PCLO: variants seen among roughly 807,000 people sequenced by gnomAD.
PCLO encodes the protein piccolo presynaptic cytomatrix protein.
A neutral mutation model predicts 427.5 loss-of-function variants in PCLO; 82 were observed. The observed-to-expected ratio is 0.19, with a 90% CI of 0.16 to 0.23. The LOEUF is 0.23. Ranked by LOEUF, PCLO falls within the 10% of genes least tolerant of loss-of-function variation. The pLI, the probability that PCLO is intolerant of heterozygous loss-of-function variation, is 1.00. For synonymous variants in PCLO, 2,357 were observed against 2,155.4 expected (o/e 1.09, Z -2.59); for missense variants, 6,239 against 6,115.9 (o/e 1.02, Z -0.67).
intron 10 of PCLO, among the ~76,000 whole-genome samples, chr7:82,858,470 A>C (rs1213612418): frequency 6.6e-6 from 1 of 152,138 alleles, no homozygotes; most frequent in Non-Finnish European, 1.5e-5. Context: ...GGGAAAGAAA[A>C]AGAAAGAAAA....
chr7:82,815,943 CA>C (rs1791669530), intron 20 of PCLO, among the ~76,000 whole-genome samples: 3 of 151,988 alleles, frequency 2.0e-5, no homozygotes, highest in Admixed American at 2.0e-4. Flanking sequence ...ACACATCTAC[CA>C]AACTCAACAC....
intron 9 of PCLO, among the ~76,000 whole-genome samples, chr7:82,897,629 T>C (rs1793937772): frequency 6.6e-6 from 1 of 151,430 alleles, no homozygotes. Context: ...AGAATCTGGG[T>C]CTTTGTTGTG....
intron 6 of PCLO, among the ~76,000 whole-genome samples, chr7:82,936,863 G>GA (rs1794964321): frequency 1.3e-5 from 2 of 151,720 alleles, no homozygotes; most frequent in South Asian, 4.1e-4. Flanking sequence ...GATGAACATA[G>GA]AAAATGTTAT....
At chr7:82,881,534 A>G (rs920838777) in intron 9 of PCLO, among the ~76,000 whole-genome samples, 1 of 152,194 alleles carries the variant, frequency 6.6e-6, no homozygotes, top group Non-Finnish European at 1.5e-5. Flanking sequence ...TCTTTGGTAA[A>G]TAGAATAATA....
chr7:82,801,204 A>ATATATATATATTT (rs1791341185), intron 22 of PCLO, among the ~76,000 whole-genome samples: 1 of 143,778 alleles, frequency 7.0e-6, no homozygotes, highest in African/African-American at 2.5e-5. Context: ...TATATGTTAT[A>ATATATATATATTT]TTTTTAAGTT....
chr7:82,760,616 T>A, intron 24 of PCLO, 23 bp downstream of exon 24: 1 of 1,486,654 alleles, frequency 6.7e-7, no homozygotes, highest in South Asian at 1.3e-5. Context: ...GTTTCAAATA[T>A]GAACTACATA....
chr7:82,862,775 T>C (rs906458883), intron 10 of PCLO, among the ~76,000 whole-genome samples: 2 of 151,986 alleles, frequency 1.3e-5, no homozygotes, highest in Non-Finnish European at 2.9e-5. Context: ...TCGCATGTTC[T>C]CGATTATTTG....
intron 3 of PCLO, among the ~76,000 whole-genome samples, chr7:83,131,605 T>C (rs1312305235): frequency 1.3e-5 from 2 of 152,010 alleles, no homozygotes; most frequent in African/African-American, 4.8e-5. Flanking sequence ...CATAAGAAAA[T>C]AAATGAAATT....
intron 3 of PCLO, among the ~76,000 whole-genome samples, chr7:83,049,638 T>C (rs1789185353): frequency 6.6e-6 from 1 of 152,134 alleles, no homozygotes; most frequent in Non-Finnish European, 1.5e-5. Flanking sequence ...ACAATGCTCC[T>C]ACAAATCTTT....
intron 22 of PCLO, among the ~76,000 whole-genome samples, chr7:82,774,916 A>C (rs1481491895): frequency 1.3e-5 from 2 of 151,878 alleles, no homozygotes; most frequent in Non-Finnish European, 2.9e-5. Flanking sequence ...TCCCCGCTAA[A>C]CCCCTGGCAG....
chr7:82,794,341 C>A (rs1287062624), intron 22 of PCLO, among the ~76,000 whole-genome samples: 1 of 151,270 alleles, frequency 6.6e-6, no homozygotes, highest in South Asian at 2.1e-4. Flanking sequence ...AGAATTTGAG[C>A]CTGATAGGTT....
At chr7:83,105,008 T>G (rs569296481) in intron 3 of PCLO, among the ~76,000 whole-genome samples, 1 of 152,276 alleles carries the variant, frequency 6.6e-6, no homozygotes, top group South Asian at 2.1e-4. Flanking sequence ...ATTCCTACTA[T>G]AGCACAAATC....
chr7:82,979,259 T>C (rs912208826), intron 3 of PCLO, among the ~76,000 whole-genome samples: 1 of 152,268 alleles, frequency 6.6e-6, no homozygotes, highest in East Asian at 1.9e-4. Flanking sequence ...TGCCTGTCCA[T>C]GGTAAAAATT....
At chr7:82,828,102 T>G (rs1791994508) in intron 16 of PCLO, 136 bp from the exon 17 acceptor site, 1 of 613,974 alleles carries the variant, frequency 1.6e-6, no homozygotes, top group Admixed American at 3.3e-5. Flanking sequence ...CATCCTCATG[T>G]CTTAAACCTT....
chr7:82,951,519 G>A (rs1282488225), intron 5 of PCLO, 29 bp from the exon 6 acceptor site: 6 of 1,425,718 alleles, frequency 4.2e-6, no homozygotes, highest in Non-Finnish European at 5.7e-6. Flanking sequence ...TTATAGTCCA[G>A]TTCCCAGAAT....
At chr7:82,806,696 G>A (rs1026031870) in intron 20 of PCLO, among the ~76,000 whole-genome samples, 6 of 152,160 alleles carry the variant, frequency 3.9e-5, no homozygotes, top group African/African-American at 1.2e-4. Context: ...CGGTCACACC[G>A]ATCTGGTTTT....
intron 6 of PCLO, among the ~76,000 whole-genome samples, chr7:82,923,073 C>T (rs1794635242): frequency 6.6e-6 from 1 of 151,856 alleles, no homozygotes; most frequent in Non-Finnish European, 1.5e-5. Flanking sequence ...GATACATACT[C>T]CTTAAGAGGT....
chr7:83,157,019 C>CT (rs904881218), intron 1 of PCLO, among the ~76,000 whole-genome samples: 1 of 152,032 alleles, frequency 6.6e-6, no homozygotes, highest in African/African-American at 2.4e-5. Flanking sequence ...CCCAGGAATG[C>CT]TAAAAAGTTT....
intron 9 of PCLO, among the ~76,000 whole-genome samples, chr7:82,882,132 C>G (rs1018985596): frequency 6.6e-6 from 1 of 152,042 alleles, no homozygotes; most frequent in Non-Finnish European, 1.5e-5. Flanking sequence ...AGAATTGAAT[C>G]TGGATATTTT....
Sources: gnomAD v4.1 joint callset for allele counts (sites outside exome capture counted in the v4.1 genomes callset) on GRCh38, gnomAD v4.1.1 for gene constraint, MANE v1.5 for transcripts, NCBI Gene and HGNC (gene_info 2026-07-23, HGNC 2026-07-21) for gene names.